ADAMTS17: variants seen among roughly 807,000 people sequenced by gnomAD.
ADAMTS17 encodes ADAM metallopeptidase with thrombospondin type 1 motif 17.
A neutral mutation model predicts 141.5 loss-of-function variants in ADAMTS17; 113 were observed. The observed-to-expected ratio is 0.80, with a 90% CI of 0.69 to 0.93. ADAMTS17 has a LOEUF of 0.93. Among genes scored for constraint, ADAMTS17 ranks in the 40% least tolerant of loss-of-function variants. ADAMTS17 has a pLI of 0.00. For missense variants in ADAMTS17, 1,659 were observed against 1,517.9 expected, an observed-to-expected ratio of 1.09 and a Z score of -1.54; for synonymous variants, 768 against 630.6, an observed-to-expected ratio of 1.22 and a Z score of -3.27.
intron 10 of ADAMTS17, among the ~76,000 whole-genome samples, chr15:100,151,876 T>G (rs555444963): frequency 2.0e-5 from 3 of 152,336 alleles, no homozygotes; most frequent in African/African-American, 7.2e-5. Flanking sequence ...TCACAGACCT[T>G]GCTGTTTGCA....
At chr15:99,985,612 CCTT>C (rs1456008453) in intron 20 of ADAMTS17, among the ~76,000 whole-genome samples, 2 of 152,170 alleles carry the variant, frequency 1.3e-5, no homozygotes, top group African/African-American at 4.8e-5. Flanking sequence ...GAGCTCAGCT[CCTT>C]CTTGTTTCAA....
At chr15:100,310,148 ACT>A (rs1036051690) in intron 3 of ADAMTS17, among the ~76,000 whole-genome samples, 1 of 152,078 alleles carries the variant, frequency 6.6e-6, no homozygotes, top group African/African-American at 2.4e-5. Flanking sequence ...GCCGCTGAAC[ACT>A]CTGCACCAAC....
chr15:100,077,685 G>C (rs1011374489), intron 15 of ADAMTS17, among the ~76,000 whole-genome samples: 1 of 152,146 alleles, frequency 6.6e-6, no homozygotes, highest in Non-Finnish European at 1.5e-5. Flanking sequence ...AATACTAAAT[G>C]CTTGTCCCCT....
chr15:100,324,014 T>A (rs1297890887), intron 3 of ADAMTS17, among the ~76,000 whole-genome samples: 2 of 135,114 alleles, frequency 1.5e-5, no homozygotes, highest in Non-Finnish European at 3.2e-5. Context: ...CCGTAAACGT[T>A]CCTTTCTCTC....
intron 4 of ADAMTS17, among the ~76,000 whole-genome samples, chr15:100,263,034 T>C (rs925730483): frequency 2.0e-5 from 3 of 152,240 alleles, no homozygotes; most frequent in Admixed American, 6.5e-5. Context: ...CTTATGTATA[T>C]AGATAAAGCT....
chr15:100,205,324 A>T (rs904150701), intron 7 of ADAMTS17, among the ~76,000 whole-genome samples: 2 of 152,208 alleles, frequency 1.3e-5, no homozygotes, highest in Admixed American at 6.5e-5. Flanking sequence ...ACAAGTTAGA[A>T]GCCACAAGTT....
chr15:100,230,308 C>G (rs1425275310), intron 7 of ADAMTS17, among the ~76,000 whole-genome samples: 1 of 152,230 alleles, frequency 6.6e-6, no homozygotes, highest in Non-Finnish European at 1.5e-5. Context: ...TCCAGTGGGT[C>G]TCCACATCAG....
chr15:100,162,970 ATATATATGTG>A (rs1050947549), intron 8 of ADAMTS17, among the ~76,000 whole-genome samples: 8 of 113,028 alleles, frequency 7.1e-5, no homozygotes, highest in African/African-American at 2.2e-4. Flanking sequence ...CTATATATGT[ATATATATGTG>A]TATATATAAC....
At chr15:100,340,101 C>A (rs557772968) in intron 2 of ADAMTS17, among the ~76,000 whole-genome samples, 2 of 152,356 alleles carry the variant, frequency 1.3e-5, no homozygotes, top group African/African-American at 4.8e-5. Context: ...AGAACCCCTG[C>A]GGTTCATGCT....
chr15:100,089,242 T>C (rs9673051), intron 15 of ADAMTS17, among the ~76,000 whole-genome samples: 17,937 of 110,654 alleles, frequency 0.16, 3,110 homozygotes, highest in African/African-American at 0.42. Context: ...AAAATGCTCA[T>C]CATCACTGGC....
chr15:100,063,740 G>A (rs749808151), intron 15 of ADAMTS17: 2 of 1,290,126 alleles, frequency 1.6e-6, no homozygotes, highest in Non-Finnish European at 1.0e-6. Flanking sequence ...CAGCAGGAAT[G>A]ACGGCAGCTT....
chr15:100,210,225 C>A (rs2041752184), intron 7 of ADAMTS17, among the ~76,000 whole-genome samples: 1 of 97,848 alleles, frequency 1.0e-5, no homozygotes, highest in Non-Finnish European at 1.9e-5. Context: ...AGCGAGACTC[C>A]ATCTCAAAAA....
At chr15:100,245,370 A>G (rs2042955703) in intron 7 of ADAMTS17, among the ~76,000 whole-genome samples, 1 of 152,208 alleles carries the variant, frequency 6.6e-6, no homozygotes, top group Non-Finnish European at 1.5e-5. Context: ...TTGAAAGGTC[A>G]CGGCTGGAAA....
intron 3 of ADAMTS17, among the ~76,000 whole-genome samples, chr15:100,295,546 G>A (rs1457813831): frequency 6.6e-6 from 1 of 152,128 alleles, no homozygotes; most frequent in Non-Finnish European, 1.5e-5. Context: ...ACCAACTTGG[G>A]TATACTCCCT....
chr15:100,100,186 G>A (rs923362724), intron 14 of ADAMTS17, among the ~76,000 whole-genome samples: 2 of 151,590 alleles, frequency 1.3e-5, no homozygotes, highest in Non-Finnish European at 2.9e-5. Context: ...CCCAGAGTGT[G>A]TGCTAAAGAT....
chr15:99,976,930 C>T (rs935488138), intron 20 of ADAMTS17, among the ~76,000 whole-genome samples: 2 of 152,256 alleles, frequency 1.3e-5, no homozygotes, highest in Non-Finnish European at 1.5e-5. Flanking sequence ...CAGGCTCTGA[C>T]GTTTTTGAGA....
At chr15:100,076,846 C>T (rs2034412158) in intron 15 of ADAMTS17, among the ~76,000 whole-genome samples, 1 of 152,072 alleles carries the variant, frequency 6.6e-6, no homozygotes, top group Admixed American at 6.6e-5. Context: ...TTAGGAGTAA[C>T]TCAATATTAT....
intron 7 of ADAMTS17, among the ~76,000 whole-genome samples, chr15:100,217,817 T>C (rs2042015809): frequency 6.6e-6 from 1 of 152,144 alleles, no homozygotes; most frequent in Non-Finnish European, 1.5e-5. Flanking sequence ...CCAGAATACA[T>C]GAAGAATCCT....
At chr15:100,300,115 G>A (rs1432674670) in intron 3 of ADAMTS17, among the ~76,000 whole-genome samples, 1 of 152,072 alleles carries the variant, frequency 6.6e-6, no homozygotes, top group Non-Finnish European at 1.5e-5. Context: ...CTGGAGTCAG[G>A]GTTTCTTCCA....
Sources: gnomAD v4.1 joint callset for allele counts (sites outside exome capture counted in the v4.1 genomes callset) on GRCh38, gnomAD v4.1.1 for gene constraint, MANE v1.5 for transcripts, NCBI Gene and HGNC (gene_info 2026-07-23, HGNC 2026-07-21) for gene names.